MAP2K4: variants seen among roughly 807,000 people sequenced by gnomAD.
MAP2K4 encodes mitogen-activated protein kinase kinase 4.
MAP2K4 carries 4 observed loss-of-function variants against 48.5 expected under a neutral mutation model. That is an observed-to-expected ratio of 0.08 (90% CI 0.04 to 0.19). The LOEUF is 0.19. MAP2K4 is among the 10% of genes least tolerant of loss of function. The pLI, the probability that MAP2K4 is intolerant of heterozygous loss-of-function variation, is 1.00. For missense variants in MAP2K4, 258 were observed against 493.3 expected (o/e 0.52, Z 4.52); for synonymous variants, 166 against 173.1 (o/e 0.96, Z 0.32).
At chr17:12,021,574 G>C (rs1969058382) in intron 1 of MAP2K4, 1 of 141,448 alleles carries the variant, frequency 7.1e-6, no homozygotes, top group African/African-American at 2.6e-5. Context: ...TGGAACCTGC[G>C]TTTTCAAACT....
intron 9 of MAP2K4, among the ~76,000 whole-genome samples, chr17:12,136,403 T>G (rs1041716664): frequency 1.3e-5 from 2 of 152,214 alleles, no homozygotes; most frequent in African/African-American, 4.8e-5. Context: ...ATAGCTGCAT[T>G]CAACAGATTA....
intron 4 of MAP2K4, among the ~76,000 whole-genome samples, chr17:12,105,494 C>T (rs955526064): frequency 2.0e-5 from 3 of 151,968 alleles, no homozygotes; most frequent in African/African-American, 7.2e-5. Context: ...TCTTTAGGAA[C>T]CCTTCCTTAT....
At position 12,084,548 on chromosome 17, in the gene MAP2K4, A is replaced by G. The variant is rs77295931; in HGVS notation, c.393+3018A>G. ...TACCAGGGATTTACTTCTAACTGTGATCAGTATCCTTTACAAATAACATTT... is the reference window on the plus strand; with the variant it reads ...TACCAGGGATTTACTTCTAACTGTGGTCAGTATCCTTTACAAATAACATTT... On this transcript the variant is annotated intron_variant, in intron 3 of 10. Coordinates refer to ENST00000353533, the MANE Select transcript of MAP2K4 (RefSeq NM_003010.4). 7.4e-4 allele frequency among the ~76,000 whole-genome samples: 112 copies of G among 152,342 alleles called. 1 individual carries two copies. In the East Asian group the frequency reaches 0.017, roughly 23 times the overall value.
intron 1 of MAP2K4, among the ~76,000 whole-genome samples, chr17:12,035,064 A>C (rs1969551379): frequency 6.6e-6 from 1 of 152,190 alleles, no homozygotes; most frequent in Admixed American, 6.5e-5. Flanking sequence ...ATAAGTTCTC[A>C]GTTGCTTACA....
chr17:12,055,662 C>T (rs1214108111), intron 2 of MAP2K4, among the ~76,000 whole-genome samples: 1 of 151,852 alleles, frequency 6.6e-6, no homozygotes. Context: ...GCATCTAGAT[C>T]TTATTAGGCT....
intron 2 of MAP2K4, among the ~76,000 whole-genome samples, chr17:12,071,019 G>C (rs904350755): frequency 6.6e-6 from 1 of 152,186 alleles, no homozygotes; most frequent in Non-Finnish European, 1.5e-5. Context: ...TGGTACTGCT[G>C]CTCTTCCTTG....
chr17:12,094,799 T>C (rs1971679308), intron 3 of MAP2K4, among the ~76,000 whole-genome samples: 2 of 152,164 alleles, frequency 1.3e-5, no homozygotes. Context: ...ACAGCTTGGT[T>C]AGGAATATAT....
At chr17:12,038,505 G>C (rs1969672674) in intron 1 of MAP2K4, among the ~76,000 whole-genome samples, 1 of 152,070 alleles carries the variant, frequency 6.6e-6, no homozygotes, top group African/African-American at 2.4e-5. Context: ...TAACAAATGT[G>C]TATCTATATA....
At chr17:12,131,953 A>G (rs1192136508) in intron 9 of MAP2K4, among the ~76,000 whole-genome samples, 1 of 152,246 alleles carries the variant, frequency 6.6e-6, no homozygotes, top group Non-Finnish European at 1.5e-5. Context: ...GATATTCAAG[A>G]GGCCAGTAAA....
chr17:12,086,447 C>G (rs898541193), intron 3 of MAP2K4, among the ~76,000 whole-genome samples: 24 of 152,126 alleles, frequency 1.6e-4, no homozygotes, highest in African/African-American at 5.8e-4. Flanking sequence ...TCCCAGTATA[C>G]ATGTGTGCTT....
intron 1 of MAP2K4, among the ~76,000 whole-genome samples, chr17:12,044,432 TACTTATG>T (rs1464747205): frequency 6.6e-6 from 1 of 152,224 alleles, no homozygotes; most frequent in Non-Finnish European, 1.5e-5. Flanking sequence ...AAGAGTTAAT[TACTTATG>T]ACTTATGACC....
intron 7 of MAP2K4, among the ~76,000 whole-genome samples, chr17:12,121,574 C>CAAA (rs10569548): frequency 1.9e-4 from 19 of 101,490 alleles, no homozygotes; most frequent in Non-Finnish European, 2.1e-4. Context: ...GACTCCGTCT[C>CAAA]AAAAAAAAAA....
intron 8 of MAP2K4, 129 bp downstream of exon 8, chr17:12,125,500 T>TA: frequency 5.8e-6 from 4 of 686,932 alleles, no homozygotes; most frequent in South Asian, 1.8e-5. Flanking sequence ...TTTAAGTTGC[T>TA]GAAAAAAAAA....
intron 7 of MAP2K4, among the ~76,000 whole-genome samples, chr17:12,120,005 T>A (rs753788748): frequency 1.3e-5 from 2 of 152,154 alleles, no homozygotes; most frequent in South Asian, 4.2e-4. Flanking sequence ...TGGGGCCTAC[T>A]TGAGTGTGGG....
chr17:12,024,104 A>T (rs920822796), intron 1 of MAP2K4, among the ~76,000 whole-genome samples: 1 of 152,190 alleles, frequency 6.6e-6, no homozygotes, highest in Non-Finnish European at 1.5e-5. Flanking sequence ...ATTATTGAGC[A>T]GTCCTTTCAG....
intron 1 of MAP2K4, 132 bp downstream of exon 1, chr17:12,021,133 T>G: frequency 2.2e-6 from 1 of 452,008 alleles, no homozygotes. Context: ...CCTCTCTCCC[T>G]CCCCGGCTTC....
Position 12,135,697 on chromosome 17 carries a change from G to C in MAP2K4, c.1041-4142G>C, listed in dbSNP as rs145271278. 6.2e-3 allele frequency among the ~76,000 whole-genome samples: 948 copies of C among 152,126 alleles called. 2 individuals are homozygous for C. Among genetic ancestry groups the C allele is most frequent in the East Asian group, 0.036 (187 of 5,146 alleles). On this transcript the variant is annotated intron_variant, in intron 9 of 10. Transcript: ENST00000353533. Reference sequence around the variant, plus strand: ...CCTGAGTAGCTGGGACTACAGGCACGCACCACCACTCCCAGCTAATTTTTG... The same window carrying C: ...CCTGAGTAGCTGGGACTACAGGCACCCACCACCACTCCCAGCTAATTTTTG...
At chr17:12,073,298 G>A (rs554366063) in intron 2 of MAP2K4, among the ~76,000 whole-genome samples, 2 of 152,294 alleles carry the variant, frequency 1.3e-5, no homozygotes, top group Middle Eastern at 6.8e-3. Flanking sequence ...AATTTTATCT[G>A]GGAAGTGTCA....
chr17:12,043,551 A>G (rs1361036538), intron 1 of MAP2K4, among the ~76,000 whole-genome samples: 1 of 152,144 alleles, frequency 6.6e-6, no homozygotes, highest in Non-Finnish European at 1.5e-5. Context: ...GGGGGTTCCC[A>G]TTATCAAACT....
Sources: gnomAD v4.1 joint callset for allele counts (sites outside exome capture counted in the v4.1 genomes callset) on GRCh38, gnomAD v4.1.1 for gene constraint, MANE v1.5 for transcripts, NCBI Gene and HGNC (gene_info 2026-07-23, HGNC 2026-07-21) for gene names.